The following GALNTL6 variants were observed in gnomAD, a reference collection of about 807,000 sequenced individuals.
GALNTL6 encodes the protein polypeptide N-acetylgalactosaminyltransferase-like 6.
GALNTL6 carries 46 observed loss-of-function variants against 73.7 expected under a neutral mutation model. That is an observed-to-expected ratio of 0.62 (90% CI 0.49 to 0.80). The LOEUF is 0.80. Ranked by LOEUF, GALNTL6 falls within the 30% of genes least tolerant of loss-of-function variation. The pLI, the probability that GALNTL6 is intolerant of heterozygous loss-of-function variation, is 0.00. For synonymous variants in GALNTL6, 259 were observed against 263.7 expected (o/e 0.98, Z 0.17); for missense variants, 604 against 755.0 (o/e 0.80, Z 2.34).
At chr4:171,915,007 TA>T (rs138000524) in intron 2 of GALNTL6, among the ~76,000 whole-genome samples, 7,847 of 152,106 alleles carry the variant, frequency 0.052, 600 homozygotes, top group African/African-American at 0.17. Flanking sequence ...TGGACATGTA[TA>T]TATATAAAAC....
intron 5 of GALNTL6, among the ~76,000 whole-genome samples, chr4:172,766,808 A>T (rs1428143196): frequency 6.6e-6 from 1 of 152,248 alleles, no homozygotes; most frequent in African/African-American, 2.4e-5. Context: ...TAGGAAGAGA[A>T]TAGTGCCAAC....
intron 3 of GALNTL6, among the ~76,000 whole-genome samples, chr4:172,269,612 G>T (rs1738567595): frequency 6.6e-6 from 1 of 152,072 alleles, no homozygotes; most frequent in Non-Finnish European, 1.5e-5. Flanking sequence ...CCTTGATTTA[G>T]AAAGACTCTT....
chr4:172,781,805 T>A (rs1739382283), intron 5 of GALNTL6, among the ~76,000 whole-genome samples: 2 of 152,132 alleles, frequency 1.3e-5, no homozygotes, highest in Admixed American at 6.5e-5. Flanking sequence ...TTGGGAAACA[T>A]TTTTACCCTA....
intron 10 of GALNTL6, among the ~76,000 whole-genome samples, chr4:172,994,765 G>A (rs1462350671): frequency 6.6e-6 from 1 of 152,110 alleles, no homozygotes; most frequent in African/African-American, 2.4e-5. Context: ...TACTTCTCTA[G>A]AGAACTTGAA....
At chr4:172,594,485 A>G (rs1459312109) in intron 5 of GALNTL6, among the ~76,000 whole-genome samples, 2 of 152,236 alleles carry the variant, frequency 1.3e-5, no homozygotes, top group African/African-American at 2.4e-5. Context: ...TCCATAAAGT[A>G]TGGAAAATTC....
chr4:172,919,670 T>G (rs1747700886), intron 8 of GALNTL6, among the ~76,000 whole-genome samples: 1 of 152,190 alleles, frequency 6.6e-6, no homozygotes, highest in Non-Finnish European at 1.5e-5. Flanking sequence ...ATCCAGAAAA[T>G]GTAAGCAATA....
At chr4:172,101,970 G>T (rs755156580) in intron 2 of GALNTL6, among the ~76,000 whole-genome samples, 3 of 151,944 alleles carry the variant, frequency 2.0e-5, no homozygotes, top group Non-Finnish European at 4.4e-5. Flanking sequence ...GAGTTTCTGA[G>T]AAATCATGGT....
intron 2 of GALNTL6, among the ~76,000 whole-genome samples, chr4:172,004,658 A>G (rs1740776361): frequency 6.6e-6 from 1 of 152,150 alleles, no homozygotes; most frequent in Admixed American, 6.6e-5. Flanking sequence ...AATATGCTCT[A>G]ATATATGTCT....
intron 2 of GALNTL6, among the ~76,000 whole-genome samples, chr4:171,845,927 G>A (rs147363014): frequency 6.6e-4 from 101 of 152,212 alleles, no homozygotes; most frequent in African/African-American, 2.1e-3. Context: ...CTACTCAATG[G>A]TAGATAAAAT....
intron 2 of GALNTL6, among the ~76,000 whole-genome samples, chr4:171,835,641 C>G (rs1326392405): frequency 2.6e-5 from 4 of 151,788 alleles, no homozygotes; most frequent in African/African-American, 9.7e-5. Flanking sequence ...TTGACAGTCT[C>G]TAATTATTCA....
intron 2 of GALNTL6, among the ~76,000 whole-genome samples, chr4:171,951,443 A>G (rs1738874749): frequency 6.6e-6 from 1 of 152,048 alleles, no homozygotes. Flanking sequence ...AAATTAATGA[A>G]TGCAACAAAA....
chr4:172,664,834 A>G (rs1247662626), intron 5 of GALNTL6, among the ~76,000 whole-genome samples: 1 of 152,158 alleles, frequency 6.6e-6, no homozygotes, highest in African/African-American at 2.4e-5. Context: ...ATCAACTTCA[A>G]ATGCACTTTA....
intron 5 of GALNTL6, among the ~76,000 whole-genome samples, chr4:172,523,485 C>A (rs1027898967): frequency 6.6e-6 from 1 of 152,144 alleles, no homozygotes; most frequent in African/African-American, 2.4e-5. Context: ...CCACCTCAGC[C>A]TCCTGAGTAG....
chr4:172,066,475 T>A (rs1279626945), intron 2 of GALNTL6, among the ~76,000 whole-genome samples: 2 of 152,064 alleles, frequency 1.3e-5, no homozygotes, highest in Non-Finnish European at 2.9e-5. Context: ...ATTTCTTTGC[T>A]TGTGAGGCTA....
At chr4:172,112,810 C>A (rs967895415) in intron 2 of GALNTL6, among the ~76,000 whole-genome samples, 4 of 151,718 alleles carry the variant, frequency 2.6e-5, no homozygotes, top group African/African-American at 9.7e-5. Context: ...ATAAAAGAGG[C>A]CCCACAAAGA....
chr4:172,447,585 A>G (rs879487819), intron 5 of GALNTL6, among the ~76,000 whole-genome samples: 3 of 152,210 alleles, frequency 2.0e-5, no homozygotes, highest in Non-Finnish European at 4.4e-5. Context: ...AAAGCATACT[A>G]TAAATGTAAA....
intron 2 of GALNTL6, among the ~76,000 whole-genome samples, chr4:172,216,342 T>C (rs575480286): frequency 9.2e-5 from 14 of 152,110 alleles, no homozygotes; most frequent in Admixed American, 2.0e-4. Flanking sequence ...TTTTTTTTTC[T>C]TTCAATATGT....
intron 5 of GALNTL6, among the ~76,000 whole-genome samples, chr4:172,557,203 C>T (rs1031097218): frequency 6.6e-6 from 1 of 152,134 alleles, no homozygotes; most frequent in Non-Finnish European, 1.5e-5. Context: ...CAATGTGAGA[C>T]ATCAGGCAAG....
At chr4:172,226,379 A>G (rs971665156) in intron 2 of GALNTL6, among the ~76,000 whole-genome samples, 5 of 152,200 alleles carry the variant, frequency 3.3e-5, no homozygotes, top group African/African-American at 1.2e-4. Context: ...TCATATCTGA[A>G]TCAAACAACC....
Sources: allele counts gnomAD v4.1 joint callset (sites outside exome capture counted in the v4.1 genomes callset), GRCh38; gene constraint gnomAD v4.1.1; transcripts MANE v1.5; gene names NCBI Gene and HGNC (gene_info 2026-07-23, HGNC 2026-07-21).